Variants in SNX29 observed in about 807,000 individuals in gnomAD.
SNX29 encodes the protein sorting nexin-29.
A neutral mutation model predicts 102.1 loss-of-function variants in SNX29; 78 were observed. The ratio of observed to expected loss-of-function variants is 0.76; its 90% CI spans 0.64 to 0.92. SNX29 has a LOEUF of 0.92. Among genes scored for constraint, SNX29 ranks in the 40% least tolerant of loss-of-function variants. The pLI is 0.00. For missense variants in SNX29, 1,280 were observed against 1,061.7 expected (o/e 1.21, Z -2.86); for synonymous variants, 580 against 414.5 (o/e 1.40, Z -4.85).
At chr16:12,278,380 G>C (rs566723312) in intron 15 of SNX29, among the ~76,000 whole-genome samples, 4 of 152,248 alleles carry the variant, frequency 2.6e-5, no homozygotes, top group African/African-American at 9.6e-5. Context: ...AAATATGGAT[G>C]AGGTGAACTA....
intron 20 of SNX29, chr16:12,556,555 G>T (rs548803961): frequency 6.6e-6 from 1 of 152,268 alleles, no homozygotes; most frequent in African/African-American, 2.4e-5. Flanking sequence ...GGAAACATTT[G>T]CATTTGATTC....
chr16:12,231,342 C>A (rs1235784833), intron 14 of SNX29, among the ~76,000 whole-genome samples: 2 of 152,174 alleles, frequency 1.3e-5, no homozygotes, highest in Admixed American at 1.3e-4. Flanking sequence ...TAGACACTTT[C>A]TTAAAAACAT....
chr16:12,123,737 G>C (rs939358631), intron 11 of SNX29, among the ~76,000 whole-genome samples: 3 of 152,116 alleles, frequency 2.0e-5, no homozygotes, highest in African/African-American at 7.2e-5. Context: ...CTGAGAGTGG[G>C]GCATGGAGGG....
At chr16:12,140,494 A>C (rs1239553518) in intron 13 of SNX29, among the ~76,000 whole-genome samples, 1 of 152,182 alleles carries the variant, frequency 6.6e-6, no homozygotes, top group Admixed American at 6.5e-5. Context: ...AGTTTGCTTA[A>C]AAGGAAAACC....
At chr16:12,483,798 C>G (rs2088092045) in intron 19 of SNX29, among the ~76,000 whole-genome samples, 1 of 152,190 alleles carries the variant, frequency 6.6e-6, no homozygotes, top group Admixed American at 6.5e-5. Context: ...CATCTGCATG[C>G]ATGTGGCAAC....
intron 19 of SNX29, among the ~76,000 whole-genome samples, chr16:12,496,320 G>A (rs187352452): frequency 3.9e-5 from 6 of 152,214 alleles, no homozygotes; most frequent in Admixed American, 2.6e-4. Context: ...TGATAAGTAC[G>A]ATAAACCCAT....
chr16:12,539,667 C>T (rs547136066), intron 20 of SNX29, among the ~76,000 whole-genome samples: 1 of 152,160 alleles, frequency 6.6e-6, no homozygotes, highest in African/African-American at 2.4e-5. Context: ...GTATGAGGGG[C>T]CCAGTTGCTC....
At chr16:12,373,170 T>C (rs1213324307) in intron 16 of SNX29, 1 of 152,278 alleles carries the variant, frequency 6.6e-6, no homozygotes. Context: ...TCTCGCTGTG[T>C]TGCCCAGACT....
At chr16:12,294,103 G>T (rs1305167729) in intron 15 of SNX29, among the ~76,000 whole-genome samples, 1 of 152,244 alleles carries the variant, frequency 6.6e-6, no homozygotes, top group African/African-American at 2.4e-5. Flanking sequence ...CCCCACTGCT[G>T]GTCAGAATGT....
chr16:12,228,900 C>T (rs1457214191), intron 14 of SNX29, among the ~76,000 whole-genome samples: 1 of 152,246 alleles, frequency 6.6e-6, no homozygotes, highest in Non-Finnish European at 1.5e-5. Context: ...GGCAGGCTGC[C>T]TCCCTGCAGT....
chr16:12,439,727 C>G (rs946224132), intron 18 of SNX29, among the ~76,000 whole-genome samples: 1 of 152,204 alleles, frequency 6.6e-6, no homozygotes, highest in African/African-American at 2.4e-5. Flanking sequence ...CACAGCTAAA[C>G]CATACCAGTC....
At chr16:12,234,747 C>T (rs981630654) in intron 14 of SNX29, among the ~76,000 whole-genome samples, 6 of 152,162 alleles carry the variant, frequency 3.9e-5, no homozygotes, top group Non-Finnish European at 1.5e-5. Flanking sequence ...TGTTCATTCC[C>T]TCTCTGGACT....
At chr16:12,143,031 C>T (rs1465595431) in intron 13 of SNX29, among the ~76,000 whole-genome samples, 1 of 151,004 alleles carries the variant, frequency 6.6e-6, no homozygotes, top group African/African-American at 2.4e-5. Flanking sequence ...GAGTTTCGCT[C>T]TTGTTGCCCA....
Position 12,468,169 on chromosome 16 carries a change from C to CTT in SNX29, c.2038-9525_2038-9524dup, listed in dbSNP as rs59089512. ...CTTCCAGGACTGTCTACTCTGACTC[C>CTT]TTTTTTTTTTTTTTTTTTTTTTTTT... On this transcript the variant is annotated intron_variant, in intron 18 of 20. Transcript: ENST00000566228. Among the ~76,000 whole-genome samples the CTT allele has an allele frequency of 1.1e-3, 99 of 92,692 alleles. 5 individuals are homozygous for CTT. Among genetic ancestry groups the CTT allele is most frequent in the East Asian group, 1.7e-3 (6 of 3,462 alleles). The allele number at this position is 92,692 out of a possible 152,430, so 60.8% of individuals were successfully genotyped here.
intron 1 of SNX29, among the ~76,000 whole-genome samples, chr16:11,985,372 A>C (rs1300208633): frequency 1.3e-5 from 2 of 152,182 alleles, no homozygotes; most frequent in East Asian, 3.8e-4. Flanking sequence ...TTTTCAGTGG[A>C]ATGTGGCAGA....
intron 20 of SNX29, among the ~76,000 whole-genome samples, chr16:12,566,521 C>T (rs779854177): frequency 2.6e-5 from 4 of 152,208 alleles, no homozygotes; most frequent in Admixed American, 1.3e-4. Flanking sequence ...TCAGACCCCG[C>T]ATCTGAAGAG....
At chr16:12,409,554 G>A (rs753209334) in intron 18 of SNX29, among the ~76,000 whole-genome samples, 5 of 148,666 alleles carry the variant, frequency 3.4e-5, no homozygotes, top group African/African-American at 9.9e-5. Flanking sequence ...TCAGCCTCCC[G>A]AGTAGCTGGG....
At chr16:12,453,403 GGCACATCATATAACCCCA>G in intron 18 of SNX29, among the ~76,000 whole-genome samples, 1 of 152,148 alleles carries the variant, frequency 6.6e-6, no homozygotes, top group Non-Finnish European at 1.5e-5. Context: ...TGTGACCCTG[GGCACATCATATAACCCCA>G]ATTTATTTCC....
At chr16:12,001,673 A>T (rs991459607) in intron 2 of SNX29, among the ~76,000 whole-genome samples, 1 of 152,156 alleles carries the variant, frequency 6.6e-6, no homozygotes, top group African/African-American at 2.4e-5. Context: ...TAATAAGTTT[A>T]GGAACCCTGC....
Sources: gnomAD v4.1 joint callset for allele counts (sites outside exome capture counted in the v4.1 genomes callset) on GRCh38, gnomAD v4.1.1 for gene constraint, MANE v1.5 for transcripts, NCBI Gene and HGNC (gene_info 2026-07-23, HGNC 2026-07-21) for gene names.